The following MBD5 variants were observed in gnomAD, a reference collection of about 807,000 sequenced individuals.
MBD5 encodes methyl-CpG-binding domain protein 5.
MBD5 carries 13 observed loss-of-function variants against 117.3 expected under a neutral mutation model. The ratio of observed to expected loss-of-function variants is 0.11; its 90% confidence interval spans 0.07 to 0.18. The LOEUF (loss-of-function observed/expected upper bound fraction) is 0.18, where lower values mean the gene tolerates loss of function less well. Among genes scored for constraint, MBD5 ranks in the 10% least tolerant of loss-of-function variants. The pLI is 1.00. For missense variants in MBD5, 1,879 were observed against 2,093.8 expected (o/e 0.90, Z 2.00); for synonymous variants, 727 against 766.4 (o/e 0.95, Z 0.85).
intron 4 of MBD5, among the ~76,000 whole-genome samples, chr2:148,394,024 C>CT (rs1389346554): frequency 6.6e-6 from 1 of 152,108 alleles, no homozygotes; most frequent in Non-Finnish European, 1.5e-5. Flanking sequence ...GTTACTTGTA[C>CT]TTTTTACTGC....
At chr2:148,048,982 G>A (rs1694620261) in intron 1 of MBD5, among the ~76,000 whole-genome samples, 1 of 152,144 alleles carries the variant, frequency 6.6e-6, no homozygotes. Context: ...CAAAGGGTGA[G>A]GCAGGAGGAG....
intron 4 of MBD5, among the ~76,000 whole-genome samples, chr2:148,445,692 G>T (rs1253333659): frequency 6.6e-6 from 1 of 151,320 alleles, no homozygotes; most frequent in African/African-American, 2.5e-5. Context: ...TCTAGTTCTA[G>T]ATCCTTGAGG....
intron 2 of MBD5, among the ~76,000 whole-genome samples, chr2:148,198,417 T>C (rs1424393507): frequency 6.6e-6 from 1 of 152,154 alleles, no homozygotes; most frequent in African/African-American, 2.4e-5. Context: ...TGTTTCAGGT[T>C]GTTACAAGGA....
chr2:148,126,941 G>A (rs1434749912), intron 1 of MBD5, among the ~76,000 whole-genome samples: 1 of 150,172 alleles, frequency 6.7e-6, no homozygotes, highest in East Asian at 2.0e-4. Context: ...TAGTAACAAA[G>A]TACTGTTGGG....
rs553752012 is a variant in MBD5, at chr2:148,324,412, C to A, written c.-679-17802C>A. On this transcript the variant is annotated intron_variant, in intron 3 of 13. Transcript: ENST00000642680. ...GCTTGATGGGGATGGCATTGAATCTCTAAATTACCTTGGGCAGTATGGCCA... is the reference window on the plus strand; with the variant it reads ...GCTTGATGGGGATGGCATTGAATCTATAAATTACCTTGGGCAGTATGGCCA... Among the ~76,000 whole-genome samples the A allele has an allele frequency of 3.9e-5, 6 of 152,186 alleles. No homozygotes were observed. The East Asian group carries it at 7.7e-4, about 20-fold the overall frequency.
At chr2:148,138,869 T>G (rs6726140) in intron 1 of MBD5, among the ~76,000 whole-genome samples, 1 of 151,842 alleles carries the variant, frequency 6.6e-6, no homozygotes, top group Non-Finnish European at 1.5e-5. Flanking sequence ...GTGTTTACCT[T>G]GGAAGAATGA....
chr2:148,354,462 T>C (rs557710898), intron 4 of MBD5, among the ~76,000 whole-genome samples: 1 of 152,370 alleles, frequency 6.6e-6, no homozygotes, highest in South Asian at 2.1e-4. Flanking sequence ...TTTTTATGGC[T>C]GCATAGTATT....
chr2:148,448,581 T>C (rs933072597), intron 4 of MBD5, among the ~76,000 whole-genome samples: 3 of 152,148 alleles, frequency 2.0e-5, no homozygotes, highest in African/African-American at 7.2e-5. Flanking sequence ...CTCTGTTTGG[T>C]ATTGATTAAT....
intron 4 of MBD5, among the ~76,000 whole-genome samples, 177 bp from the exon 5 acceptor site, chr2:148,458,026 T>C (rs559614905): frequency 7.4e-4 from 113 of 152,284 alleles, no homozygotes; most frequent in African/African-American, 2.7e-3. Context: ...ATTAGTTTAA[T>C]TGGAGTAAGT....
intron 1 of MBD5, among the ~76,000 whole-genome samples, chr2:148,106,781 AC>A (rs979533639): frequency 6.6e-6 from 1 of 151,932 alleles, no homozygotes; most frequent in African/African-American, 2.4e-5. Flanking sequence ...TTACTATCTA[AC>A]CAAACAAAAC....
At chr2:148,061,118 AT>A (rs1473924425) in intron 1 of MBD5, among the ~76,000 whole-genome samples, 1 of 151,968 alleles carries the variant, frequency 6.6e-6, no homozygotes, top group Non-Finnish European at 1.5e-5. Context: ...CTGATTTTTT[AT>A]TTTTTTGAGT....
chr2:148,214,897 G>A (rs1354925719), intron 2 of MBD5, among the ~76,000 whole-genome samples: 1 of 152,050 alleles, frequency 6.6e-6, no homozygotes, highest in African/African-American at 2.4e-5. Flanking sequence ...TTATTAAGAA[G>A]TTATAATAGC....
intron 4 of MBD5, among the ~76,000 whole-genome samples, chr2:148,396,913 T>C (rs1360587826): frequency 6.6e-6 from 1 of 152,178 alleles, no homozygotes; most frequent in African/African-American, 2.4e-5. Flanking sequence ...GATAAATTTT[T>C]CTGCAAATTA....
intron 4 of MBD5, among the ~76,000 whole-genome samples, chr2:148,384,974 A>G (rs1358865141): frequency 6.6e-6 from 1 of 152,248 alleles, no homozygotes; most frequent in Non-Finnish European, 1.5e-5. Flanking sequence ...AGATGGATTA[A>G]AGGCTTACAT....
intron 1 of MBD5, among the ~76,000 whole-genome samples, chr2:148,093,353 CTT>C (rs1695988957): frequency 6.6e-6 from 1 of 152,114 alleles, no homozygotes; most frequent in Admixed American, 6.5e-5. Context: ...TCTTCAGAGA[CTT>C]TGCTGTTATT....
chr2:148,401,329 G>A (rs997243034), intron 4 of MBD5, among the ~76,000 whole-genome samples: 2 of 151,772 alleles, frequency 1.3e-5, no homozygotes, highest in Non-Finnish European at 2.9e-5. Context: ...TTTATAATTT[G>A]AGGTCTCCAC....
At chr2:148,303,298 A>T (rs186249050) in intron 3 of MBD5, among the ~76,000 whole-genome samples, 3 of 152,316 alleles carry the variant, frequency 2.0e-5, no homozygotes, top group East Asian at 1.9e-4. Flanking sequence ...AAGCATACTT[A>T]AAAAAGCAAT....
At chr2:148,421,046 G>A (rs1312015581) in intron 4 of MBD5, among the ~76,000 whole-genome samples, 1 of 152,166 alleles carries the variant, frequency 6.6e-6, no homozygotes, top group African/African-American at 2.4e-5. Context: ...TGCTCTGCTA[G>A]ATTAAGTCAC....
intron 3 of MBD5, among the ~76,000 whole-genome samples, chr2:148,265,945 A>C (rs1700848313): frequency 6.6e-6 from 1 of 152,092 alleles, no homozygotes; most frequent in Non-Finnish European, 1.5e-5. Flanking sequence ...AAAATGCTTA[A>C]ATAAATTTGA....
Sources: allele counts gnomAD v4.1 joint callset (sites outside exome capture counted in the v4.1 genomes callset), GRCh38; gene constraint gnomAD v4.1.1; transcripts MANE v1.5; gene names NCBI Gene and HGNC (gene_info 2026-07-23, HGNC 2026-07-21).